Variants in THEM4 observed in about 807,000 individuals in gnomAD.
THEM4 encodes acyl-coenzyme A thioesterase THEM4.
THEM4 carries 22 observed loss-of-function variants against 25.0 expected under a neutral mutation model. The ratio of observed to expected loss-of-function variants is 0.88; its 90% CI spans 0.63 to 1.26. The LOEUF is 1.26. Ranked by LOEUF, THEM4 falls within the 50% of genes most tolerant of loss-of-function variation. The pLI, the probability that THEM4 is intolerant of heterozygous loss-of-function variation, is 0.00. For synonymous variants in THEM4, 113 were observed against 105.6 expected, an observed-to-expected ratio of 1.07 and a Z score of -0.43; for missense variants, 286 against 300.3, an observed-to-expected ratio of 0.95 and a Z score of 0.35.
At chr1:151,898,966 G>A (rs1050771121) in intron 1 of THEM4, among the ~76,000 whole-genome samples, 2 of 152,242 alleles carry the variant, frequency 1.3e-5, no homozygotes, top group Admixed American at 1.3e-4. Flanking sequence ...CCCTTTGACA[G>A]AGTCTACCTA....
rs1010382331 is a variant in THEM4, at chr1:151,872,853, C to G, written c.*2035G>C. The stretch of plus-strand genomic sequence containing the variant: ...CCTGGGTATTGTCCAAGGTTTCCCC[C>G]CACTGAGACAGCCTGAGATATGGCC... On this transcript the variant is annotated 3_prime_UTR_variant, in exon 6 of 6. Coordinates refer to ENST00000368814, the MANE Select transcript of THEM4 (RefSeq NM_053055.5). Among the ~76,000 whole-genome samples the G allele has an allele frequency of 2.0e-5, 3 of 152,170 alleles. No homozygotes were observed. Among genetic ancestry groups the G allele is most frequent in the South Asian group, 2.1e-4 (1 of 4,826 alleles).
At chr1:151,896,749 G>T (rs962943758) in intron 1 of THEM4, among the ~76,000 whole-genome samples, 1 of 152,142 alleles carries the variant, frequency 6.6e-6, no homozygotes, top group African/African-American at 2.4e-5. Flanking sequence ...TGAAATCAGA[G>T]GGCCCTATTT....
At chr1:151,892,310 A>T (rs1654111873) in intron 2 of THEM4, among the ~76,000 whole-genome samples, 1 of 152,174 alleles carries the variant, frequency 6.6e-6, no homozygotes, top group Non-Finnish European at 1.5e-5. Context: ...GCCAAAAGAA[A>T]ATGTTTCAAT....
intron 4 of THEM4, among the ~76,000 whole-genome samples, chr1:151,878,097 T>C (rs1013654511): frequency 2.6e-5 from 4 of 152,202 alleles, no homozygotes; most frequent in African/African-American, 9.6e-5. Context: ...CAGGGGACAT[T>C]AGGTGTTCTC....
At chr1:151,877,158 GT>G in intron 4 of THEM4, 33 bp from the exon 5 acceptor site, 1 of 1,583,500 alleles carries the variant, frequency 6.3e-7, no homozygotes, top group Non-Finnish European at 8.6e-7. Flanking sequence ...AAAAAAATCA[GT>G]TTTTATCTGA....
rs1488781231 is a variant in THEM4, at chr1:151,909,428, T to G, written c.31A>C (p.Thr11Pro). MLRSCAARLR[T>P]LGALCLPPVG... Reference sequence around the variant, plus strand: ...GGCGGCAGGCACAGAGCCCCCAGCGTGCGGAGGCGCGCGGCGCAGCTCCTC... The same window carrying G: ...GGCGGCAGGCACAGAGCCCCCAGCGGGCGGAGGCGCGCGGCGCAGCTCCTC... Residue 11 changes from threonine to proline, a missense_variant, in exon 1 of 6, where the codon ACG (threonine) becomes CCG (proline). Transcript: ENST00000368814. 1 of 1,471,270 alleles carries G rather than the reference T, an allele frequency of 6.8e-7. No individual in the cohort carries two copies. Among genetic ancestry groups the G allele is most frequent in the Non-Finnish European group, 8.9e-7 (1 of 1,119,558 alleles). The allele number at this position is 1,471,270 out of a possible 1,614,324, so 91.1% of individuals were successfully genotyped here. A position where few individuals can be genotyped will look rare whatever the true frequency, so the allele number is the denominator to read the frequency against.
rs994395308 is a variant in THEM4, at chr1:151,909,393, C to T, written c.66G>A (p.Arg22=). The T allele has an allele frequency of 1.5e-5, 22 of 1,505,514 alleles. No homozygotes were observed. Among genetic ancestry groups the T allele is most frequent in the African/African-American group, 2.9e-5 (2 of 69,306 alleles). 93.3% of individuals were successfully genotyped at this position (1,505,514 alleles called of 1,614,324 possible). A position where few individuals can be genotyped will look rare whatever the true frequency, so the allele number is the denominator to read the frequency against. Reference sequence around the variant, plus strand: ...GTCGCGGCTCGCTTCCCGGCAGGCGCCGGCCTACTGGCGGCAGGCACAGAG... The same window carrying T: ...GTCGCGGCTCGCTTCCCGGCAGGCGTCGGCCTACTGGCGGCAGGCACAGAG... The part of the protein sequence containing the change: ...LGALCLPPVG[R]RLPGSEPRPE... Residue 22 remains arginine, a synonymous_variant, in exon 1 of 6, where the codon CGG becomes CGA. Coordinates refer to ENST00000368814, the MANE Select transcript of THEM4 (RefSeq NM_053055.5).
chr1:151,894,783 G>A lies in THEM4; in HGVS notation c.286+225C>T, dbSNP rs984307899. The A allele has an allele frequency of 3.4e-5, 21 of 615,618 alleles. No homozygotes were observed. In the African/African-American group the frequency reaches 3.9e-4, roughly 11 times the overall value. The allele number at this position is 615,618 out of a possible 1,614,324, so 38.1% of individuals were successfully genotyped here. A position where few individuals can be genotyped will look rare whatever the true frequency, so the allele number is the denominator to read the frequency against. On this transcript the variant is annotated intron_variant, in intron 2 of 5. Coordinates refer to ENST00000368814, the MANE Select transcript of THEM4 (RefSeq NM_053055.5). Reference sequence around the variant, plus strand: ...GGCCCTTTCTTCACTCTTGCTAATGGTGATAAGAATGCCAGGGTGGGAGCA... The same window carrying A: ...GGCCCTTTCTTCACTCTTGCTAATGATGATAAGAATGCCAGGGTGGGAGCA...
chr1:151,877,152 A>T, intron 4 of THEM4, 27 bp from the exon 5 acceptor site: 1 of 1,590,260 alleles, frequency 6.3e-7, no homozygotes, highest in Non-Finnish European at 8.5e-7. Context: ...AAAAGGAAAA[A>T]AATCAGTTTT....
chr1:151,895,235 G>A (rs372667080), intron 1 of THEM4, 41 bp from the exon 2 acceptor site: 27 of 1,482,214 alleles, frequency 1.8e-5, no homozygotes, highest in Non-Finnish European at 2.1e-5. Context: ...AATGGGAGGT[G>A]CATTCTATTT....
At chr1:151,876,362 T>C (rs992897064) in intron 5 of THEM4, among the ~76,000 whole-genome samples, 76 of 152,148 alleles carry the variant, frequency 5.0e-4, no homozygotes, top group African/African-American at 1.4e-3. Context: ...TGGAACCCGA[T>C]AGCAATCTAA....
chr1:151,885,428 A>C (rs979366792), intron 4 of THEM4, among the ~76,000 whole-genome samples: 1 of 152,124 alleles, frequency 6.6e-6, no homozygotes, highest in African/African-American at 2.4e-5. Flanking sequence ...CTCATCTTTT[A>C]TTTCTTTAAA....
chr1:151,878,660 G>A (rs1443736191), intron 4 of THEM4, among the ~76,000 whole-genome samples: 2 of 152,104 alleles, frequency 1.3e-5, no homozygotes, highest in African/African-American at 2.4e-5. Context: ...AACAGAAAAT[G>A]TTTCAGAAAA....
intron 4 of THEM4, 83 bp downstream of exon 4, chr1:151,888,190 C>G: frequency 2.8e-6 from 3 of 1,079,364 alleles, no homozygotes; most frequent in South Asian, 1.5e-5. Context: ...ATCACTTGAA[C>G]ACAAATTATG....
In THEM4 at chr1:151,871,898, G is replaced by A. The variant is rs1367977720; in HGVS notation, c.*2990C>T. Among the ~76,000 whole-genome samples, 1 of 152,198 alleles carries A rather than the reference G, an allele frequency of 6.6e-6. No individual in the cohort carries two copies. The highest frequency in any genetic ancestry group is 1.5e-5 in the Non-Finnish European group (1 of 68,044). On this transcript the variant is annotated 3_prime_UTR_variant, in exon 6 of 6. Coordinates refer to ENST00000368814, the MANE Select transcript of THEM4 (RefSeq NM_053055.5). ...TCTAAACTTCCTCCCAACTAGTTAA[G>A]TGAAACTAGCTAAATGAGCAGCGCT...
At chr1:151,904,741 G>C (rs1410554805) in intron 1 of THEM4, among the ~76,000 whole-genome samples, 2 of 152,184 alleles carry the variant, frequency 1.3e-5, no homozygotes, top group Non-Finnish European at 2.9e-5. Flanking sequence ...AGGGATGTGG[G>C]GAGTTACTGA....
At chr1:151,907,961 C>T (rs140840384) in intron 1 of THEM4, among the ~76,000 whole-genome samples, 241 of 152,284 alleles carry the variant, frequency 1.6e-3, no homozygotes, top group African/African-American at 5.4e-3. Context: ...GGCTCCAAGG[C>T]GCCGGCATGG....
chr1:151,894,050 A>G (rs966011100), intron 2 of THEM4, among the ~76,000 whole-genome samples: 1 of 152,048 alleles, frequency 6.6e-6, no homozygotes, highest in Non-Finnish European at 1.5e-5. Context: ...TTTAGTAGAG[A>G]CGAGGTTTCA....
At position 151,902,038 on chromosome 1, in the gene THEM4, A is replaced by G. The variant is rs1156974305; in HGVS notation, c.100-6844T>C. On this transcript the variant is annotated intron_variant, in intron 1 of 5. Coordinates refer to ENST00000368814, the MANE Select transcript of THEM4 (RefSeq NM_053055.5). ...TTCATAGCCCTAAATGCCTACCTCA[A>G]AAAGTCTGAAAGAGCACAAACAGAC... Among the ~76,000 whole-genome samples, 6 of 152,332 alleles carry G rather than the reference A, an allele frequency of 3.9e-5. No homozygotes were observed. In the East Asian group the frequency reaches 1.2e-3, roughly 29 times the overall value.
Sources: allele counts gnomAD v4.1 joint callset (sites outside exome capture counted in the v4.1 genomes callset), GRCh38; gene constraint gnomAD v4.1.1; transcripts MANE v1.5; gene names NCBI Gene and HGNC (gene_info 2026-07-23, HGNC 2026-07-21).